Variants in STPG2 observed in about 807,000 individuals in gnomAD.
STPG2 encodes the protein sperm-tail PG-rich repeat-containing protein 2.
STPG2 carries 56 observed loss-of-function variants against 54.2 expected under a neutral mutation model. That is an observed-to-expected ratio of 1.03 (90% CI 0.83 to 1.29). The LOEUF (loss-of-function observed/expected upper bound fraction) is 1.29, where lower values mean the gene tolerates loss of function less well. Among genes scored for constraint, STPG2 ranks in the 50% most tolerant of loss-of-function variants. The probability of loss-of-function intolerance (pLI) is 0.00; values close to 1 mark genes in which losing one functional copy is unlikely to be tolerated. For missense variants in STPG2, 596 were observed against 544.9 expected (o/e 1.09, Z -0.93); for synonymous variants, 200 against 181.8 (o/e 1.10, Z -0.81).
intron 9 of STPG2, among the ~76,000 whole-genome samples, chr4:97,733,847 A>T (rs753063163): frequency 2.0e-5 from 3 of 151,894 alleles, no homozygotes; most frequent in Non-Finnish European, 2.9e-5. Context: ...TTGAAGTGTG[A>T]CGGTTTACTC....
intron 9 of STPG2, among the ~76,000 whole-genome samples, chr4:97,786,014 A>G (rs777584556): frequency 6.6e-6 from 1 of 152,040 alleles, no homozygotes; most frequent in Admixed American, 6.6e-5. Flanking sequence ...CTAATATTCA[A>G]TTTTTAAAAA....
chr4:98,059,108 TAAAG>T (rs939128002), intron 5 of STPG2, among the ~76,000 whole-genome samples: 19 of 150,932 alleles, frequency 1.3e-4, no homozygotes, highest in African/African-American at 4.6e-4. Context: ...GCTAGACTAA[TAAAG>T]AAAAAATAGA....
rs541999798 is a variant in STPG2, at chr4:97,565,254, G to C, written c.1321-6137C>G. Among the ~76,000 whole-genome samples the C allele has an allele frequency of 1.1e-3, 174 of 152,074 alleles. 2 individuals are homozygous for C. The highest frequency in any genetic ancestry group is 3.9e-3 in the African/African-American group (161 of 41,462). On this transcript the variant is annotated intron_variant, in intron 10 of 10. Transcript: ENST00000295268. The stretch of plus-strand genomic sequence containing the variant: ...CTCCTGAGGCTTCTGCATTCTTCAC[G>C]CAGTTCTCGAGCCTTGGCTTTCAGC...
intron 8 of STPG2, among the ~76,000 whole-genome samples, chr4:97,868,663 G>C (rs28619044): frequency 0.39 from 59,592 of 151,432 alleles, 11,865 homozygotes; most frequent in Middle Eastern, 0.46. Context: ...CTGGGTTTGT[G>C]CCGTCTCATT....
At chr4:97,723,201 C>G (rs1049056217) in intron 9 of STPG2, among the ~76,000 whole-genome samples, 5 of 151,902 alleles carry the variant, frequency 3.3e-5, no homozygotes, top group Non-Finnish European at 5.9e-5. Flanking sequence ...GAAGAGAAAT[C>G]CTTCGTTTTA....
chr4:97,885,804 C>T (rs1261866134), intron 8 of STPG2, among the ~76,000 whole-genome samples: 3 of 152,140 alleles, frequency 2.0e-5, no homozygotes, highest in Admixed American at 6.6e-5. Context: ...ATCCCCCATG[C>T]ATATTGTGGT....
At chr4:97,821,890 G>A (rs1728102916) in intron 9 of STPG2, among the ~76,000 whole-genome samples, 1 of 152,178 alleles carries the variant, frequency 6.6e-6, no homozygotes, top group African/African-American at 2.4e-5. Flanking sequence ...TCTAAGAAGA[G>A]CTGCCAAAAA....
rs554995016 is a variant in STPG2 at position 97,593,258 on chromosome 4, A to G, written c.1321-34141T>C. On this transcript the variant is annotated intron_variant, in intron 10 of 10. Coordinates refer to ENST00000295268, the MANE Select transcript of STPG2 (RefSeq NM_174952.3). ...CAGCCCACCCCCACTCTTCTCCCAC[A>G]GTAGCCTCCTCATGCTACTTTGCCA... Among the ~76,000 whole-genome samples, 4 of 152,180 alleles carry G rather than the reference A, an allele frequency of 2.6e-5. No homozygotes were observed. In the South Asian group the frequency reaches 8.3e-4, roughly 32 times the overall value.
chr4:97,617,723 G>C (rs1733910642), intron 10 of STPG2, among the ~76,000 whole-genome samples: 1 of 152,086 alleles, frequency 6.6e-6, no homozygotes, highest in Non-Finnish European at 1.5e-5. Flanking sequence ...AAGTGAAAAA[G>C]AAAGTGATAC....
At position 97,546,356 on chromosome 4, in the gene STPG2, TAA is replaced by T. The variant is rs765620384; in HGVS notation, c.462+166341_462+166342del. On this transcript the variant is annotated intron_variant, in intron 4 of 4. Transcript: ENST00000522676. ...TTAGAAAGTAGACAGATATTACAGA[TAA>T]AGAGTATATTGGTTCTTAACAATGC... Among the ~76,000 whole-genome samples the T allele has an allele frequency of 2.0e-5, 3 of 152,070 alleles. 1 individual carries two copies.
At chr4:98,025,096 A>C (rs546484695) in intron 5 of STPG2, among the ~76,000 whole-genome samples, 1 of 152,228 alleles carries the variant, frequency 6.6e-6, no homozygotes, top group Non-Finnish European at 1.5e-5. Flanking sequence ...ATTATCAAGG[A>C]TTACTTTAGT....
chr4:97,616,362 CTT>C (rs796253092), intron 10 of STPG2, among the ~76,000 whole-genome samples: 48 of 151,878 alleles, frequency 3.2e-4, no homozygotes, highest in African/African-American at 1.1e-3. Context: ...TCCTGTCTAA[CTT>C]TTCATTTCTT....
chr4:97,530,110 T>C (rs1731381784), intron 4 of STPG2, among the ~76,000 whole-genome samples: 1 of 152,210 alleles, frequency 6.6e-6, no homozygotes, highest in Non-Finnish European at 1.5e-5. Context: ...TCCTTGATTT[T>C]ACAATATTCC....
chr4:97,708,983 T>C (rs1221759816), intron 10 of STPG2, among the ~76,000 whole-genome samples: 1 of 151,846 alleles, frequency 6.6e-6, no homozygotes, highest in Admixed American at 6.6e-5. Context: ...GAATAGATAT[T>C]TAAATGAAAC....
chr4:98,089,932 G>A (rs1334857994), intron 5 of STPG2, among the ~76,000 whole-genome samples: 1 of 151,720 alleles, frequency 6.6e-6, no homozygotes, highest in Non-Finnish European at 1.5e-5. Context: ...TGACTTCCTT[G>A]TAAATTCTGA....
rs1721687632 is a variant in STPG2 at position 97,639,470 on chromosome 4, T to C, written c.1320+73229A>G. Among the ~76,000 whole-genome samples, 2 of 151,404 alleles carry C rather than the reference T, an allele frequency of 1.3e-5. 1 individual carries two copies. Among genetic ancestry groups the C allele is most frequent in the Non-Finnish European group, 2.9e-5 (2 of 67,936 alleles). Reference sequence around the variant, plus strand: ...GTAACTAACCTGCACAATGTGCACATGTACCCTAAAACTTAAAGTATAATT... The same window carrying C: ...GTAACTAACCTGCACAATGTGCACACGTACCCTAAAACTTAAAGTATAATT... On this transcript the variant is annotated intron_variant, in intron 10 of 10. Coordinates refer to ENST00000295268, the MANE Select transcript of STPG2 (RefSeq NM_174952.3).
intron 5 of STPG2, among the ~76,000 whole-genome samples, chr4:98,097,139 C>T (rs181558262): frequency 8.2e-4 from 125 of 152,134 alleles, no homozygotes; most frequent in Non-Finnish European, 1.4e-3. Flanking sequence ...AGTATTACCC[C>T]GATACCAAAA....
chr4:97,714,265 C>T (rs550042184), intron 9 of STPG2, among the ~76,000 whole-genome samples: 1 of 152,034 alleles, frequency 6.6e-6, no homozygotes, highest in African/African-American at 2.4e-5. Flanking sequence ...TAGTATGAAA[C>T]ATTTTTAATG....
At chr4:97,667,856 C>A (rs957539593) in intron 10 of STPG2, among the ~76,000 whole-genome samples, 1 of 152,104 alleles carries the variant, frequency 6.6e-6, no homozygotes, top group African/African-American at 2.4e-5. Flanking sequence ...CTTAATGAAT[C>A]GTGCACATAT....
Sources: allele counts gnomAD v4.1 joint callset (sites outside exome capture counted in the v4.1 genomes callset), GRCh38; gene constraint gnomAD v4.1.1; transcripts MANE v1.5; gene names NCBI Gene and HGNC (gene_info 2026-07-23, HGNC 2026-07-21).